The following CNIH3 variants were observed in gnomAD, a reference collection of about 807,000 sequenced individuals.
CNIH3 encodes protein cornichon homolog 3.
In CNIH3, 14 loss-of-function variants were observed where a neutral mutation model predicts 24.1. That is an observed-to-expected ratio of 0.58 (90% CI 0.38 to 0.91). The LOEUF (loss-of-function observed/expected upper bound fraction) is 0.91. CNIH3 is among the 40% of genes least tolerant of loss of function. The pLI is 0.00. For missense variants in CNIH3, 178 were observed against 196.8 expected (o/e 0.90, Z 0.57); for synonymous variants, 68 against 73.8 (o/e 0.92, Z 0.40).
At position 224,561,438 on chromosome 1, in the gene CNIH3, A is replaced by G. The variant is rs1680369285; in HGVS notation, n.451-4761A>G. Among the ~76,000 whole-genome samples, 3 of 152,122 alleles carry G rather than the reference A, an allele frequency of 2.0e-5. No individual in the cohort carries two copies. In the South Asian group the frequency reaches 6.2e-4, roughly 32 times the overall value. ...GTTTTTGCCTTTGTCTATCCGTTTC[A>G]CTTAGTACTTGAGAAGCTATCTTTT... is the stretch of plus-strand genomic sequence containing the variant. On this transcript the variant is annotated intron_variant and non_coding_transcript_variant, in intron 3 of 5. Coordinates refer to the CNIH3 transcript ENST00000471578.
chr1:224,439,542 T>TAA (rs35161497), intron 1 of CNIH3, among the ~76,000 whole-genome samples: 5 of 144,430 alleles, frequency 3.5e-5, no homozygotes, highest in African/African-American at 1.3e-4. Context: ...TGGGCCGTAT[T>TAA]AAAAAAAAAA....
rs9661679 is a variant in CNIH3 at position 224,557,197 on chromosome 1, T to C, written n.451-9002T>C. On this transcript the variant is annotated intron_variant and non_coding_transcript_variant, in intron 3 of 5. Transcript: ENST00000471578. ...CTGGGGCCACAGGCATGCATCACCA[T>C]GCCTGGCTAATTATTTTTATTTTAG... Among the ~76,000 whole-genome samples, 3 of 151,986 alleles carry C rather than the reference T, an allele frequency of 2.0e-5. No individual in the cohort carries two copies. In the East Asian group the frequency reaches 5.8e-4, roughly 29 times the overall value.
At chr1:224,692,182 G>A (rs1686964902) in intron 3 of CNIH3, among the ~76,000 whole-genome samples, 2 of 152,120 alleles carry the variant, frequency 1.3e-5, no homozygotes, top group Non-Finnish European at 2.9e-5. Context: ...CACATCTGTA[G>A]TCCCAGCTAC....
chr1:224,595,509 G>C (rs572496408), intron 3 of CNIH3, among the ~76,000 whole-genome samples: 1 of 152,194 alleles, frequency 6.6e-6, no homozygotes, highest in East Asian at 1.9e-4. Context: ...TCTTTTCCTT[G>C]AAACACAATA....
downstream of CNIH3, among the ~76,000 whole-genome samples, chr1:224,591,618 T>C (rs577650075): frequency 6.6e-6 from 1 of 152,130 alleles, no homozygotes; most frequent in Non-Finnish European, 1.5e-5. Flanking sequence ...TTTTATAGGT[T>C]TCAGATACTA....
chr1:224,646,656 T>G (rs192724080), intron 1 of CNIH3, among the ~76,000 whole-genome samples: 161 of 152,258 alleles, frequency 1.1e-3, no homozygotes, highest in African/African-American at 3.8e-3. Context: ...CCCTCCTGCT[T>G]CGGCATCCTA....
At chr1:224,738,548 A>G (rs917954208) in intron 5 of CNIH3, among the ~76,000 whole-genome samples, 3 of 152,272 alleles carry the variant, frequency 2.0e-5, no homozygotes, top group Admixed American at 1.3e-4. Context: ...CTTTGGTTTT[A>G]CTTCTTAGAT....
intron 1 of CNIH3, among the ~76,000 whole-genome samples, chr1:224,644,691 CCAAA>C (rs749354807): frequency 8.5e-5 from 13 of 152,312 alleles, no homozygotes; most frequent in South Asian, 4.1e-4. Context: ...CTGCTGTATG[CCAAA>C]CAATTTTTTT....
intron 3 of CNIH3, among the ~76,000 whole-genome samples, chr1:224,610,391 C>T (rs1682633458): frequency 6.6e-6 from 1 of 152,154 alleles, no homozygotes; most frequent in Non-Finnish European, 1.5e-5. Context: ...GTGGTTTCCC[C>T]CTGCTATTCT....
chr1:224,675,273 T>C (rs1250246377), intron 1 of CNIH3, among the ~76,000 whole-genome samples: 1 of 152,216 alleles, frequency 6.6e-6, no homozygotes, highest in Non-Finnish European at 1.5e-5. Context: ...GCTCATGTCA[T>C]AGGAAATAGA....
chr1:224,521,077 T>C (rs942116380), exon 2 of CNIH3: 1 of 152,192 alleles, frequency 6.6e-6, no homozygotes, highest in Non-Finnish European at 1.5e-5. Context: ...GGGAATAGGC[T>C]TGGAGGTGGC....
intron 2 of CNIH3, among the ~76,000 whole-genome samples, chr1:224,535,150 C>A (rs1045108950): frequency 6.6e-5 from 10 of 152,194 alleles, no homozygotes; most frequent in African/African-American, 2.2e-4. Flanking sequence ...GTCATTAGGG[C>A]AGGCCCTAAT....
intron 3 of CNIH3, among the ~76,000 whole-genome samples, chr1:224,551,163 G>C (rs1348011416): frequency 6.6e-6 from 1 of 152,068 alleles, no homozygotes; most frequent in East Asian, 1.9e-4. Context: ...TCAGTGTGGC[G>C]ATTCCTCAGG....
rs1683971908 is a variant in CNIH3, at chr1:224,634,289, A to AT, written c.81+17035dup. ...GGAACAGCAGTTGTGTGAATTAAGA[A>AT]TAAGAAAAAAGAGGCCGGGCGTGGT... On this transcript the variant is annotated intron_variant, in intron 1 of 5. Transcript: ENST00000272133. Among the ~76,000 whole-genome samples the AT allele has an allele frequency of 2.0e-5, 3 of 152,216 alleles. No homozygotes were observed. In the South Asian group the frequency reaches 6.2e-4, roughly 32 times the overall value.
intron 1 of CNIH3, among the ~76,000 whole-genome samples, chr1:224,443,960 AC>A (rs1344601690): frequency 6.6e-6 from 1 of 152,054 alleles, no homozygotes; most frequent in Non-Finnish European, 1.5e-5. Flanking sequence ...ACAGTATAAA[AC>A]CTTGGATTTG....
At chr1:224,615,538 CTTAT>C (rs1350965077), upstream of CNIH3, 6 of 152,146 alleles carry the variant, frequency 3.9e-5, no homozygotes, top group African/African-American at 7.2e-5. Context: ...TGACTCTACT[CTTAT>C]TTATGTTTTT....
intron 3 of CNIH3, among the ~76,000 whole-genome samples, chr1:224,692,950 T>C (rs1347676110): frequency 2.0e-5 from 3 of 152,234 alleles, no homozygotes; most frequent in Non-Finnish European, 2.9e-5. Context: ...GATGCTTGGC[T>C]CACTGTTGAT....
chr1:224,453,827 A>C (rs777145011), intron 1 of CNIH3, among the ~76,000 whole-genome samples: 1 of 152,128 alleles, frequency 6.6e-6, no homozygotes, highest in African/African-American at 2.4e-5. Context: ...AAAGATTTTC[A>C]TAGCATTGAG....
Position 224,739,621 on chromosome 1 carries a change from G to C in CNIH3, c.*265G>C. On this transcript the variant is annotated 3_prime_UTR_variant, in exon 6 of 6. Coordinates refer to ENST00000272133, the MANE Select transcript of CNIH3 (RefSeq NM_152495.2). Reference sequence around the variant, plus strand: ...GAGCCCTTCTGAGCATCAGTGGTGTGGGGGAGTAGGTGACGAAACACTAGA... The same window carrying C: ...GAGCCCTTCTGAGCATCAGTGGTGTCGGGGAGTAGGTGACGAAACACTAGA... The C allele has an allele frequency of 1.8e-6, 1 of 569,318 alleles. No homozygotes were observed. The highest frequency in any genetic ancestry group is 4.6e-4 in the Middle Eastern group (1 of 2,156). The allele number at this position is 569,318 out of a possible 1,614,324, so 35.3% of individuals were successfully genotyped here.
Sources: gnomAD v4.1 joint callset for allele counts (sites outside exome capture counted in the v4.1 genomes callset) on GRCh38, gnomAD v4.1.1 for gene constraint, MANE v1.5 for transcripts, NCBI Gene and HGNC (gene_info 2026-07-23, HGNC 2026-07-21) for gene names.